Variants in RSRC1 observed in about 807,000 individuals in gnomAD.
The protein encoded by RSRC1 is serine/Arginine-related protein 53.
In RSRC1, 39 loss-of-function variants were observed where a neutral mutation model predicts 49.1. That is an observed-to-expected ratio of 0.79 (90% confidence interval 0.61 to 1.04). The LOEUF is 1.04. Ranked by LOEUF, RSRC1 falls within the 50% of genes least tolerant of loss-of-function variation. The pLI is 0.00. For missense variants in RSRC1, 388 were observed against 402.4 expected (o/e 0.96, Z 0.31); for synonymous variants, 143 against 130.8 (o/e 1.09, Z -0.63).
intron 6 of RSRC1, among the ~76,000 whole-genome samples, chr3:158,369,538 G>C (rs1731953860): frequency 6.6e-6 from 1 of 152,038 alleles, no homozygotes; most frequent in African/African-American, 2.4e-5. Flanking sequence ...TTACATTTTA[G>C]GCCCTGGGGT....
intron 4 of RSRC1, among the ~76,000 whole-genome samples, chr3:158,291,743 C>T (rs936680369): frequency 6.6e-6 from 1 of 152,064 alleles, no homozygotes; most frequent in Non-Finnish European, 1.5e-5. Context: ...GCTCCTTAAC[C>T]CGATTCCTCT....
At chr3:158,345,630 G>GT (rs1471564411) in intron 5 of RSRC1, among the ~76,000 whole-genome samples, 2 of 151,914 alleles carry the variant, frequency 1.3e-5, no homozygotes, top group Non-Finnish European at 2.9e-5. Flanking sequence ...AAAAAGAAGG[G>GT]TAGAGGTGTT....
intron 3 of RSRC1, among the ~76,000 whole-genome samples, chr3:158,164,334 A>T (rs781660583): frequency 8.6e-5 from 13 of 151,804 alleles, no homozygotes; most frequent in South Asian, 2.1e-4. Context: ...TTTTTTTTTT[A>T]AAACAAGATT....
intron 6 of RSRC1, among the ~76,000 whole-genome samples, chr3:158,358,935 C>T (rs1222423497): frequency 6.6e-6 from 1 of 151,794 alleles, no homozygotes; most frequent in Non-Finnish European, 1.5e-5. Flanking sequence ...CATACACACA[C>T]ACACACACAC....
chr3:158,486,181 A>T (rs546971843), intron 7 of RSRC1, among the ~76,000 whole-genome samples: 15 of 152,278 alleles, frequency 9.9e-5, no homozygotes, highest in Non-Finnish European at 1.8e-4. Context: ...CTCCCAGTCT[A>T]CAAGTGTTAG....
At chr3:158,229,367 C>T (rs1273835527) in intron 4 of RSRC1, among the ~76,000 whole-genome samples, 6 of 108,588 alleles carry the variant, frequency 5.5e-5, no homozygotes, top group African/African-American at 1.2e-4. Context: ...CATATACACA[C>T]GTATATGTGT....
At chr3:158,293,707 T>G (rs1727076364) in intron 4 of RSRC1, among the ~76,000 whole-genome samples, 1 of 152,112 alleles carries the variant, frequency 6.6e-6, no homozygotes, top group South Asian at 2.1e-4. Flanking sequence ...AAATGATGTC[T>G]TTGTGTGGTG....
chr3:158,126,087 C>T (rs1715607025), intron 3 of RSRC1, among the ~76,000 whole-genome samples: 1 of 151,972 alleles, frequency 6.6e-6, no homozygotes, highest in South Asian at 2.1e-4. Context: ...TGTGTCTTTA[C>T]ATCTAAGGCA....
intron 5 of RSRC1, among the ~76,000 whole-genome samples, chr3:158,331,665 A>T (rs1578348672): frequency 6.6e-6 from 1 of 152,100 alleles, no homozygotes; most frequent in African/African-American, 2.4e-5. Context: ...ATGATTAAGT[A>T]TCAGTATTTC....
At chr3:158,168,635 A>G (rs920160511) in intron 3 of RSRC1, among the ~76,000 whole-genome samples, 1 of 152,114 alleles carries the variant, frequency 6.6e-6, no homozygotes, top group Non-Finnish European at 1.5e-5. Context: ...AGAAGGGTTT[A>G]TTTTGTTACT....
intron 6 of RSRC1, among the ~76,000 whole-genome samples, chr3:158,439,379 G>A (rs1736247389): frequency 6.6e-6 from 1 of 152,032 alleles, no homozygotes; most frequent in African/African-American, 2.4e-5. Flanking sequence ...GTTTATTGCG[G>A]CACTATTCAC....
intron 3 of RSRC1, among the ~76,000 whole-genome samples, chr3:158,130,482 G>A (rs76334135): frequency 0.038 from 5,719 of 152,106 alleles, 362 homozygotes; most frequent in African/African-American, 0.13. Flanking sequence ...AAAGTGTTTT[G>A]GATTTTGGAT....
At chr3:158,422,907 A>G (rs1015680658) in intron 6 of RSRC1, among the ~76,000 whole-genome samples, 85 of 152,022 alleles carry the variant, frequency 5.6e-4, no homozygotes, top group Non-Finnish European at 9.9e-4. Context: ...TCCTTCGCCC[A>G]CTTTTTGATG....
At chr3:158,185,079 A>G (rs1226503604) in intron 3 of RSRC1, among the ~76,000 whole-genome samples, 2 of 151,978 alleles carry the variant, frequency 1.3e-5, no homozygotes, top group East Asian at 3.8e-4. Context: ...GTTCATGTAC[A>G]GATTTAGATT....
intron 6 of RSRC1, among the ~76,000 whole-genome samples, chr3:158,457,714 G>GT (rs2108400460): frequency 7.0e-6 from 1 of 142,132 alleles, no homozygotes; most frequent in African/African-American, 2.6e-5. Flanking sequence ...TTTGTTTTTC[G>GT]TTTTTTGTGT....
intron 4 of RSRC1, among the ~76,000 whole-genome samples, chr3:158,235,059 G>A (rs1723166391): frequency 6.6e-6 from 1 of 152,092 alleles, no homozygotes; most frequent in East Asian, 1.9e-4. Flanking sequence ...GATGTTGGGG[G>A]AATTATGTTT....
At chr3:158,167,918 C>G (rs1039675028) in intron 3 of RSRC1, among the ~76,000 whole-genome samples, 1 of 152,090 alleles carries the variant, frequency 6.6e-6, no homozygotes, top group Non-Finnish European at 1.5e-5. Flanking sequence ...TGGTTAGCCT[C>G]TTTGAAGGTA....
At chr3:158,378,820 A>T (rs1407733433) in intron 6 of RSRC1, among the ~76,000 whole-genome samples, 1 of 152,106 alleles carries the variant, frequency 6.6e-6, no homozygotes, top group Non-Finnish European at 1.5e-5. Flanking sequence ...TACAACCATG[A>T]CCTACCCTTA....
chr3:158,306,008 A>C (rs1420673225), intron 5 of RSRC1, among the ~76,000 whole-genome samples: 1 of 152,092 alleles, frequency 6.6e-6, no homozygotes, highest in Non-Finnish European at 1.5e-5. Context: ...TTTAGATAAA[A>C]ACAATATCTT....
Sources: gnomAD v4.1 joint callset for allele counts (sites outside exome capture counted in the v4.1 genomes callset) on GRCh38, gnomAD v4.1.1 for gene constraint, MANE v1.5 for transcripts, NCBI Gene and HGNC (gene_info 2026-07-23, HGNC 2026-07-21) for gene names.